Variants in DCTN5 observed in about 807,000 individuals in gnomAD.
DCTN5 encodes dynactin 4.
A neutral mutation model predicts 23.5 loss-of-function variants in DCTN5; 14 were observed. The ratio of observed to expected loss-of-function variants is 0.60; its 90% CI spans 0.39 to 0.93. DCTN5 has a LOEUF of 0.93. DCTN5 is among the 40% of genes least tolerant of loss of function. The pLI is 0.00. For synonymous variants in DCTN5, 67 were observed against 79.6 expected, an observed-to-expected ratio of 0.84 and a Z score of 0.84; for missense variants, 156 against 225.9, an observed-to-expected ratio of 0.69 and a Z score of 1.98.
chr16:23,657,210 G>T (rs1056031593), intron 2 of DCTN5, among the ~76,000 whole-genome samples: 1 of 152,108 alleles, frequency 6.6e-6, no homozygotes, highest in Admixed American at 6.5e-5. Flanking sequence ...GCAGCACTTT[G>T]GGAGGTCAAA....
intron 4 of DCTN5, among the ~76,000 whole-genome samples, chr16:23,665,312 G>A (rs1229717495): frequency 6.6e-6 from 1 of 152,188 alleles, no homozygotes; most frequent in Non-Finnish European, 1.5e-5. Context: ...TGCTGGACAA[G>A]CAAAAGCACA....
At chr16:23,662,767 G>A (rs1330807179) in intron 4 of DCTN5, among the ~76,000 whole-genome samples, 1 of 152,172 alleles carries the variant, frequency 6.6e-6, no homozygotes, top group South Asian at 2.1e-4. Flanking sequence ...TTCCAGCTGG[G>A]GGTTTCTGAT....
rs1181000572 is a variant in DCTN5, at chr16:23,645,118, TATATATATATATATA to T, written c.117+2096_117+2110del. ...ATATATATATATATATATATATATA[TATATATATATATATA>T]TATATTTTTTTTTTTTTTAATACGC... On this transcript the variant is annotated intron_variant, in intron 2 of 5. Transcript: ENST00000300087. Among the ~76,000 whole-genome samples the T allele has an allele frequency of 3.2e-3, 138 of 42,502 alleles. 10 individuals are homozygous for T. Among genetic ancestry groups the T allele is most frequent in the Admixed American group, 5.7e-3 (19 of 3,316 alleles). 27.9% of individuals were successfully genotyped at this position (42,502 alleles called of 152,430 possible).
chr16:23,648,136 TATTTATTTGTTTA>T (rs1302947950), intron 2 of DCTN5, among the ~76,000 whole-genome samples: 1 of 151,978 alleles, frequency 6.6e-6, no homozygotes, highest in Admixed American at 6.6e-5. Flanking sequence ...TAAAAATCTT[TATTTATTTGTTTA>T]ATTTATTTGT....
At chr16:23,661,336 C>G in intron 4 of DCTN5, 55 bp downstream of exon 4, 1 of 1,289,916 alleles carries the variant, frequency 7.8e-7, no homozygotes, top group Non-Finnish European at 1.1e-6. Context: ...CAGCTCCCAT[C>G]CCTCACTTCG....
In DCTN5 at chr16:23,676,967, G is replaced by A. The variant is rs1310665155; in HGVS notation, c.*9823G>A. On this transcript the variant is annotated 3_prime_UTR_variant, in exon 6 of 6. Transcript: ENST00000300087. The stretch of plus-strand genomic sequence containing the variant: ...GTCAGATTTTCATATGTGTTAGGCA[G>A]AGGATGAGGTGAGCAGCTCCCAATG... 6.6e-6 allele frequency: 1 copy of A among 152,258 alleles called. No homozygotes were observed. The highest frequency in any genetic ancestry group is 1.5e-5 in the Non-Finnish European group (1 of 68,084). 9.4% of individuals were successfully genotyped at this position (152,258 alleles called of 1,614,324 possible).
At chr16:23,654,480 G>A (rs1353279710) in intron 2 of DCTN5, among the ~76,000 whole-genome samples, 13 of 152,122 alleles carry the variant, frequency 8.5e-5, no homozygotes, top group Admixed American at 6.5e-5. Flanking sequence ...GGGTGCAGGA[G>A]GGAAAGGATC....
rs894963406 is a variant in DCTN5, at chr16:23,669,941, T to C, written c.*2797T>C. On this transcript the variant is annotated 3_prime_UTR_variant, in exon 6 of 6. Transcript: ENST00000300087. ...ACTGGGCCATGGAACTGCATCCTTA[T>C]GGTTCCCATAGCACCTTACCGAGGC... 3.9e-5 allele frequency: 6 copies of C among 152,406 alleles called. No individual in the cohort carries two copies. Among genetic ancestry groups the C allele is most frequent in the African/African-American group, 9.6e-5 (4 of 41,582 alleles). The allele number at this position is 152,406 out of a possible 1,614,324, so 9.4% of individuals were successfully genotyped here.
At chr16:23,647,167 C>G (rs1035238652) in intron 2 of DCTN5, among the ~76,000 whole-genome samples, 2 of 132,464 alleles carry the variant, frequency 1.5e-5, no homozygotes, top group Admixed American at 1.6e-4. Flanking sequence ...GAGTCTCACT[C>G]TGTCACCCAG....
chr16:23,667,475 C>G lies in DCTN5; in HGVS notation c.*331C>G, dbSNP rs765170544. ...GTGGATGGCTGGATCCCGCCTGAAA[C>G]GGACCTGCAGAGCAGCAGCACCCTT... On this transcript the variant is annotated 3_prime_UTR_variant, in exon 6 of 6. Transcript: ENST00000300087. 1.1e-5 allele frequency: 3 copies of G among 283,160 alleles called. No individual in the cohort carries two copies. Among genetic ancestry groups the G allele is most frequent in the African/African-American group, 6.4e-5 (3 of 46,784 alleles). The allele number at this position is 283,160 out of a possible 1,614,324, so 17.5% of individuals were successfully genotyped here. A position where few individuals can be genotyped will look rare whatever the true frequency, so the allele number is the denominator to read the frequency against.
chr16:23,666,983 G>C (rs758924196), intron 5 of DCTN5, 64 bp from the exon 6 acceptor site: 2 of 1,603,882 alleles, frequency 1.2e-6, no homozygotes, highest in Admixed American at 3.4e-5. Flanking sequence ...GATATTGCCA[G>C]AGAAATATCT....
chr16:23,660,678 T>C (rs1180682866), intron 3 of DCTN5, among the ~76,000 whole-genome samples: 1 of 152,228 alleles, frequency 6.6e-6, no homozygotes, highest in African/African-American at 2.4e-5. Flanking sequence ...TCTCTCTCTT[T>C]TGTCATTATT....
At chr16:23,665,352 A>G (rs1348529681) in intron 4 of DCTN5, among the ~76,000 whole-genome samples, 3 of 152,342 alleles carry the variant, frequency 2.0e-5, no homozygotes, top group South Asian at 2.1e-4. Flanking sequence ...GGAAAATTCA[A>G]CAGAGCTCAT....
chr16:23,667,023 A>G (rs907572361), intron 5 of DCTN5, 24 bp from the exon 6 acceptor site: 3 of 1,613,562 alleles, frequency 1.9e-6, no homozygotes, highest in Non-Finnish European at 2.5e-6. Context: ...CAAGCTCCTT[A>G]GAGCTGGGTC....
In DCTN5 at chr16:23,661,162, T is replaced by C; in HGVS notation, c.237-8T>C. On this transcript the variant is annotated splice_polypyrimidine_tract_variant and splice_region_variant and intron_variant, in intron 3 of 5. Transcript: ENST00000300087. ...CCTTTCTGTGTTCATCTTCTTTTCCTCTTCTAGTGTTGCATTCTTTCCTTT... is the reference window on the plus strand; with the variant it reads ...CCTTTCTGTGTTCATCTTCTTTTCCCCTTCTAGTGTTGCATTCTTTCCTTT... 3.1e-6 allele frequency: 5 copies of C among 1,597,834 alleles called. No homozygotes were observed. The highest frequency in any genetic ancestry group is 4.3e-6 in the Non-Finnish European group (5 of 1,166,770).
At chr16:23,642,657 A>AT (rs376340602) in intron 1 of DCTN5, 1,077 of 244,808 alleles carry the variant, frequency 4.4e-3, no homozygotes, top group Middle Eastern at 7.4e-3. Context: ...TAATTAAAAA[A>AT]TTTTTTTTTT....
At chr16:23,659,591 G>A (rs1967774344) in intron 3 of DCTN5, among the ~76,000 whole-genome samples, 1 of 152,200 alleles carries the variant, frequency 6.6e-6, no homozygotes, top group African/African-American at 2.4e-5. Context: ...ACTATATGAT[G>A]TGATACACCT....
chr16:23,646,401 A>C (rs1567228994), intron 2 of DCTN5, among the ~76,000 whole-genome samples: 2 of 152,052 alleles, frequency 1.3e-5, no homozygotes, highest in Non-Finnish European at 2.9e-5. Flanking sequence ...CCTTTGATGC[A>C]CAAAAGTTTT....
rs1316151469 is a variant in DCTN5, at chr16:23,676,403, A to G, written c.*9259A>G. The G allele has an allele frequency of 1.3e-5, 2 of 152,160 alleles. No homozygotes were observed. Among genetic ancestry groups the G allele is most frequent in the African/African-American group, 4.8e-5 (2 of 41,400 alleles). 9.4% of individuals were successfully genotyped at this position (152,160 alleles called of 1,614,324 possible). A position where few individuals can be genotyped will look rare whatever the true frequency, so the allele number is the denominator to read the frequency against. ...GCACCTGTAGTCCCTACAAAAATAA[A>G]AAAATTAGCTGGGTGTGGTGGTGTG... On this transcript the variant is annotated 3_prime_UTR_variant, in exon 6 of 6. Coordinates refer to ENST00000300087, the MANE Select transcript of DCTN5 (RefSeq NM_032486.4).
Sources: gnomAD v4.1 joint callset for allele counts (sites outside exome capture counted in the v4.1 genomes callset) on GRCh38, gnomAD v4.1.1 for gene constraint, MANE v1.5 for transcripts, NCBI Gene and HGNC (gene_info 2026-07-23, HGNC 2026-07-21) for gene names.